The following CTNNA2 variants were observed in gnomAD, a reference collection of about 807,000 sequenced individuals.
CTNNA2 encodes the protein catenin alpha 2.
CTNNA2 carries 42 observed loss-of-function variants against 101.0 expected under a neutral mutation model. The ratio of observed to expected loss-of-function variants is 0.42; its 90% CI spans 0.32 to 0.54. The LOEUF is 0.54. Among genes scored for constraint, CTNNA2 ranks in the 20% least tolerant of loss-of-function variants. The pLI, the probability that CTNNA2 is intolerant of heterozygous loss-of-function variation, is 0.14. For missense variants in CTNNA2, 871 were observed against 1,223.1 expected, an observed-to-expected ratio of 0.71 and a Z score of 4.29; for synonymous variants, 450 against 456.4, an observed-to-expected ratio of 0.99 and a Z score of 0.18.
chr2:79,857,104 A>G (rs954113364), intron 3 of CTNNA2, among the ~76,000 whole-genome samples: 2 of 152,332 alleles, frequency 1.3e-5, no homozygotes, highest in Middle Eastern at 3.4e-3. Context: ...TGTACTCAGC[A>G]TGGGGCTCCA....
At chr2:80,555,080 C>T (rs1229956841) in intron 11 of CTNNA2, among the ~76,000 whole-genome samples, 1 of 152,160 alleles carries the variant, frequency 6.6e-6, no homozygotes, top group African/African-American at 2.4e-5. Flanking sequence ...TTGTGGGAAA[C>T]TGATCGTCTT....
intron 9 of CTNNA2, among the ~76,000 whole-genome samples, chr2:80,474,957 T>C (rs145646788): frequency 6.6e-6 from 1 of 152,270 alleles, no homozygotes; most frequent in African/African-American, 2.4e-5. Context: ...TAGTCATTCT[T>C]AAGACCAAAA....
At chr2:79,974,833 T>C (rs1690723917) in intron 7 of CTNNA2, among the ~76,000 whole-genome samples, 1 of 151,942 alleles carries the variant, frequency 6.6e-6, no homozygotes, top group African/African-American at 2.4e-5. Flanking sequence ...AGAAATTAAG[T>C]TGGGGAGGAG....
intron 7 of CTNNA2, among the ~76,000 whole-genome samples, chr2:80,024,044 G>A (rs1448353522): frequency 2.1e-5 from 3 of 144,028 alleles, no homozygotes; most frequent in East Asian, 4.4e-4. Context: ...CCAAGATGGC[G>A]CCACTGCACT....
intron 7 of CTNNA2, among the ~76,000 whole-genome samples, chr2:79,927,838 C>A (rs1256367451): frequency 6.6e-6 from 1 of 152,062 alleles, no homozygotes; most frequent in Admixed American, 6.6e-5. Context: ...TGCAGTTCTG[C>A]TGAGGCCTGG....
intron 7 of CTNNA2, among the ~76,000 whole-genome samples, chr2:80,382,933 G>C (rs1274213963): frequency 3.9e-5 from 6 of 152,192 alleles, no homozygotes; most frequent in African/African-American, 1.4e-4. Context: ...ATGTGTGTGT[G>C]TATCTGTGTA....
intron 15 of CTNNA2, among the ~76,000 whole-genome samples, chr2:80,591,857 G>A (rs1696542081): frequency 6.6e-6 from 1 of 152,106 alleles, no homozygotes. Flanking sequence ...CATTATATGT[G>A]TAATAACTTC....
intron 7 of CTNNA2, among the ~76,000 whole-genome samples, chr2:80,139,412 C>A (rs1269221631): frequency 6.6e-6 from 1 of 151,956 alleles, no homozygotes; most frequent in East Asian, 1.9e-4. Context: ...CTGTTTTTTT[C>A]TTTTATTCTT....
intron 2 of CTNNA2, among the ~76,000 whole-genome samples, chr2:79,212,787 G>C (rs529883875): frequency 3.9e-5 from 6 of 152,140 alleles, no homozygotes; most frequent in Admixed American, 3.9e-4. Context: ...TTTCTGACTC[G>C]GGGCATGTGA....
chr2:80,597,121 G>A (rs1200637775), intron 15 of CTNNA2, among the ~76,000 whole-genome samples: 2 of 152,136 alleles, frequency 1.3e-5, no homozygotes, highest in Non-Finnish European at 2.9e-5. Context: ...GTATTTAACT[G>A]AGGATTTTTG....
chr2:80,647,462 C>T, intron 18 of CTNNA2, 123 bp from the exon 19 acceptor site: 1 of 858,522 alleles, frequency 1.2e-6, no homozygotes, highest in Non-Finnish European at 1.8e-6. Flanking sequence ...TAATTTGCTC[C>T]TTTTCAGCAA....
chr2:79,549,031 A>T (rs1326455652), intron 1 of CTNNA2, among the ~76,000 whole-genome samples: 2 of 152,200 alleles, frequency 1.3e-5, no homozygotes, highest in African/African-American at 4.8e-5. Flanking sequence ...TTATGTGTCC[A>T]CAGGGCATAC....
intron 1 of CTNNA2, among the ~76,000 whole-genome samples, chr2:79,640,256 G>C (rs1324363947): frequency 6.6e-6 from 1 of 152,078 alleles, no homozygotes; most frequent in Non-Finnish European, 1.5e-5. Flanking sequence ...TAAAGAGGTT[G>C]GGACCTGAGA....
intron 13 of CTNNA2, among the ~76,000 whole-genome samples, chr2:80,580,254 G>T (rs1035581459): frequency 6.6e-6 from 1 of 152,170 alleles, no homozygotes; most frequent in South Asian, 2.1e-4. Context: ...TTAATGCACA[G>T]TTATCTATTA....
intron 9 of CTNNA2, among the ~76,000 whole-genome samples, chr2:80,503,242 C>A (rs917422660): frequency 2.6e-5 from 4 of 152,050 alleles, no homozygotes; most frequent in Non-Finnish European, 5.9e-5. Context: ...CTTTAGAAAT[C>A]TTTCAATCAT....
At chr2:80,157,645 C>G (rs1342323032) in intron 7 of CTNNA2, among the ~76,000 whole-genome samples, 2 of 151,556 alleles carry the variant, frequency 1.3e-5, no homozygotes. Flanking sequence ...AGAATTAGGT[C>G]AAGGGAAGGT....
intron 7 of CTNNA2, among the ~76,000 whole-genome samples, chr2:79,986,687 A>C (rs912713461): frequency 6.6e-6 from 1 of 152,098 alleles, no homozygotes; most frequent in Non-Finnish European, 1.5e-5. Flanking sequence ...AGCATACACT[A>C]CTATTCCGTT....
intron 3 of CTNNA2, among the ~76,000 whole-genome samples, chr2:79,364,782 C>T (rs909962589): frequency 6.6e-6 from 1 of 152,120 alleles, no homozygotes; most frequent in African/African-American, 2.4e-5. Context: ...TAACTAAAGA[C>T]TGAATTCTTT....
chr2:79,577,297 GA>G (rs1334162599), intron 1 of CTNNA2, among the ~76,000 whole-genome samples: 1 of 152,042 alleles, frequency 6.6e-6, no homozygotes, highest in African/African-American at 2.4e-5. Flanking sequence ...TATTTTTCCA[GA>G]TAAGCATTTT....
Sources: allele counts gnomAD v4.1 joint callset (sites outside exome capture counted in the v4.1 genomes callset), GRCh38; gene constraint gnomAD v4.1.1; transcripts MANE v1.5; gene names NCBI Gene and HGNC (gene_info 2026-07-23, HGNC 2026-07-21).